OSBPL2: variants seen among roughly 807,000 people sequenced by gnomAD.
OSBPL2 encodes oxysterol binding protein like 2.
In OSBPL2, 18 loss-of-function variants were observed where a neutral mutation model predicts 58.4. The ratio of observed to expected loss-of-function variants is 0.31; its 90% CI spans 0.21 to 0.46. The LOEUF (loss-of-function observed/expected upper bound fraction) is 0.46, where lower values mean the gene tolerates loss of function less well. Ranked by LOEUF, OSBPL2 falls within the 20% of genes least tolerant of loss-of-function variation. The probability of loss-of-function intolerance (pLI) is 1.00; values close to 1 mark genes in which losing one functional copy is unlikely to be tolerated. For synonymous variants in OSBPL2, 221 were observed against 234.1 expected (o/e 0.94, Z 0.51); for missense variants, 461 against 616.5 (o/e 0.75, Z 2.67).
At chr20:62,282,303 G>A (rs988204166) in intron 9 of OSBPL2, among the ~76,000 whole-genome samples, 6 of 152,192 alleles carry the variant, frequency 3.9e-5, no homozygotes, top group East Asian at 1.9e-4. Context: ...TCAGTGTCAC[G>A]TGACCAGTTC....
At chr20:62,240,852 C>T (rs1979681154) in intron 1 of OSBPL2, among the ~76,000 whole-genome samples, 1 of 152,134 alleles carries the variant, frequency 6.6e-6, no homozygotes, top group Non-Finnish European at 1.5e-5. Context: ...TCCCTGCCAC[C>T]CAGCTCCTTT....
At chr20:62,248,307 AC>A in intron 1 of OSBPL2, among the ~76,000 whole-genome samples, 1 of 151,430 alleles carries the variant, frequency 6.6e-6, no homozygotes, top group Admixed American at 6.6e-5. Context: ...AGTGCACGCC[AC>A]CATGCCTGGC....
intron 6 of OSBPL2, among the ~76,000 whole-genome samples, chr20:62,278,109 G>A (rs770226072): frequency 2.0e-5 from 3 of 152,190 alleles, no homozygotes; most frequent in African/African-American, 4.8e-5. Flanking sequence ...GAGAGCAAGC[G>A]GGGCATCAGG....
At chr20:62,279,584 A>G in intron 7 of OSBPL2, 1 of 546,938 alleles carries the variant, frequency 1.8e-6, no homozygotes, top group Non-Finnish European at 3.3e-6. Context: ...TTGTATGACC[A>G]GGGTCCCATG....
At chr20:62,259,748 C>A (rs1357215687) in intron 2 of OSBPL2, among the ~76,000 whole-genome samples, 11 of 125,178 alleles carry the variant, frequency 8.8e-5, no homozygotes, top group Admixed American at 8.6e-4. Flanking sequence ...TGGGAGGAGC[C>A]TGGGCACTGG....
rs538853724 is a variant in OSBPL2 at position 62,245,911 on chromosome 20, G to T, written c.-129+7314G>T. ...ATATTAAGGCTTGATTTTTTTCCTCGACAATTGGCAGAAGGCGTGTTTCAG... is the reference window on the plus strand; with the variant it reads ...ATATTAAGGCTTGATTTTTTTCCTCTACAATTGGCAGAAGGCGTGTTTCAG... On this transcript the variant is annotated intron_variant, in intron 1 of 13. Transcript: ENST00000313733. Among the ~76,000 whole-genome samples, 26 of 152,248 alleles carry T rather than the reference G, an allele frequency of 1.7e-4. 1 individual carries two copies. In the South Asian group the frequency reaches 4.6e-3, roughly 27 times the overall value.
At chr20:62,293,651 C>G (rs1007172395) in intron 13 of OSBPL2, 134 bp from the exon 14 acceptor site, 7 of 666,140 alleles carry the variant, frequency 1.1e-5, no homozygotes, top group African/African-American at 3.8e-5. Context: ...GAAGTTGTTA[C>G]GCTGGGCTGC....
chr20:62,273,590 C>T (rs575888727), intron 6 of OSBPL2, among the ~76,000 whole-genome samples, 184 bp downstream of exon 6: 2 of 152,292 alleles, frequency 1.3e-5, no homozygotes, highest in Non-Finnish European at 2.9e-5. Context: ...GTTGTGCTAG[C>T]GTGCCACGGC....
rs762078004 is a variant in OSBPL2 at position 62,260,025 on chromosome 20, C to T, written c.82C>T (p.Gln28Ter). The change falls in exon 3 of 14, where the codon CAG (glutamine) becomes TAG (stop). Residue 28 changes from glutamine to a stop codon, truncating the protein, a stop_gained. Transcript: ENST00000313733. LOFTEE classifies it high-confidence loss of function. Reference protein sequence around the residue: ...NSSGEFSEANQKVTGMIDLDT... With the variant: ...NSSGEFSEAN ...TTCTGGGGAATTTTCAGAGGCAAAT[C>T]AGAAAGTCACGGGAATGATTGACTT... The T allele has an allele frequency of 2.5e-6, 4 of 1,613,792 alleles. No homozygotes were observed. Among genetic ancestry groups the T allele is most frequent in the Non-Finnish European group, 8.5e-7 (1 of 1,179,748 alleles).
chr20:62,291,649 C>G, intron 12 of OSBPL2, 54 bp from the exon 13 acceptor site: 1 of 1,443,702 alleles, frequency 6.9e-7, no homozygotes, highest in South Asian at 1.1e-5. Context: ...TAGGGGGTGG[C>G]GGGGTGCGGT....
chr20:62,282,172 TGA>T (rs1982838477), intron 9 of OSBPL2: 1 of 258,506 alleles, frequency 3.9e-6, no homozygotes, highest in Non-Finnish European at 7.8e-6. Flanking sequence ...CACTGGGAGA[TGA>T]GAGGGGACTG....
At chr20:62,272,371 C>T (rs370998793) in intron 5 of OSBPL2, 112 bp downstream of exon 5, 7 of 1,210,376 alleles carry the variant, frequency 5.8e-6, no homozygotes, top group Admixed American at 2.1e-5. Flanking sequence ...ACAGCTCCCC[C>T]CAGTGTTCAG....
intron 5 of OSBPL2, among the ~76,000 whole-genome samples, chr20:62,273,076 G>A (rs1017277343): frequency 6.6e-6 from 1 of 152,234 alleles, no homozygotes; most frequent in Non-Finnish European, 1.5e-5. Flanking sequence ...GGCTCCGGGG[G>A]TGGAAGGCAG....
Position 62,293,858 on chromosome 20 carries a change from A to G in OSBPL2, c.1414A>G (p.Asn472Asp). 6.2e-7 allele frequency: 1 copy of G among 1,614,038 alleles called. No homozygotes were observed. Among genetic ancestry groups the G allele is most frequent in the Admixed American group, 1.7e-5 (1 of 60,018 alleles). ...GTATGCAGGGGATTACTTTGAGCGG[A>G]ATTTCTCCGACTGCCCAGATATCTA... ...WLYAGDYFER[N>D]FSDCPDIY The change falls in exon 14 of 14, where the codon AAT (asparagine) becomes GAT (aspartate). Residue 472 changes from asparagine (N) to aspartate (D), a missense_variant. By Grantham distance (23) the Asn-to-Asp change is conservative. Transcript: ENST00000313733.
intron 4 of OSBPL2, chr20:62,271,533 C>G (rs1313114086): frequency 6.5e-6 from 1 of 152,772 alleles, no homozygotes; most frequent in African/African-American, 2.4e-5. Flanking sequence ...CTCACCGCAA[C>G]CTTCACCTCC....
intron 2 of OSBPL2, among the ~76,000 whole-genome samples, chr20:62,257,886 T>G (rs1981037938): frequency 6.6e-6 from 1 of 152,130 alleles, no homozygotes; most frequent in South Asian, 2.1e-4. Context: ...GGCTAATTTT[T>G]GTACTTTTAG....
At chr20:62,289,015 A>G (rs539992521) in intron 11 of OSBPL2, among the ~76,000 whole-genome samples, 192 bp from the exon 12 acceptor site, 12 of 152,308 alleles carry the variant, frequency 7.9e-5, no homozygotes, top group African/African-American at 2.4e-4. Context: ...TTACAGCCGC[A>G]GTGCATGATA....
At position 62,279,465 on chromosome 20, in the gene OSBPL2, C is replaced by T. The variant is rs1301921578; in HGVS notation, c.674+126C>T. 1.4e-5 allele frequency: 13 copies of T among 951,058 alleles called. 2 individuals carry two copies. In the South Asian group the frequency reaches 1.7e-4, roughly 12 times the overall value. 58.9% of individuals were successfully genotyped at this position (951,058 alleles called of 1,614,324 possible). ...TTTTTCTCCTGAGGTGGGGACCTCC[C>T]CACAGCAGAAACGTCTTCAGATGAG... On this transcript the variant is annotated intron_variant, in intron 7 of 13. Coordinates refer to ENST00000313733, the MANE Select transcript of OSBPL2 (RefSeq NM_144498.4).
At chr20:62,248,128 CTTT>C (rs928677366) in intron 1 of OSBPL2, among the ~76,000 whole-genome samples, 1 of 143,294 alleles carries the variant, frequency 7.0e-6, no homozygotes, top group African/African-American at 2.6e-5. Flanking sequence ...TCTCTCTTTT[CTTT>C]TTTTTTCTTT....
Sources: allele counts gnomAD v4.1 joint callset (sites outside exome capture counted in the v4.1 genomes callset), GRCh38; gene constraint gnomAD v4.1.1; transcripts MANE v1.5; gene names NCBI Gene and HGNC (gene_info 2026-07-23, HGNC 2026-07-21).